QRFPR: variants seen among roughly 807,000 people sequenced by gnomAD.
The protein encoded by QRFPR is pyroglutamylated RFamide peptide receptor, also known as pyroglutamylated RF-amide peptide receptor.
QRFPR carries 37 observed loss-of-function variants against 31.3 expected under a neutral mutation model. That is an observed-to-expected ratio of 1.18 (90% CI 0.91 to 1.56). QRFPR has a LOEUF of 1.56. Among genes scored for constraint, QRFPR ranks in the 40% most tolerant of loss-of-function variants. The pLI, the probability that QRFPR is intolerant of heterozygous loss-of-function variation, is 0.00. For missense variants in QRFPR, 542 were observed against 532.5 expected (o/e 1.02, Z -0.18); for synonymous variants, 197 against 192.0 (o/e 1.03, Z -0.22).
intron 1 of QRFPR, among the ~76,000 whole-genome samples, chr4:121,352,830 TG>T (rs1274809562): frequency 6.6e-6 from 1 of 152,064 alleles, no homozygotes; most frequent in Non-Finnish European, 1.5e-5. Context: ...TCATTCTATT[TG>T]TGTTTTTGTA....
chr4:121,334,382 C>T (rs932937182), intron 3 of QRFPR: 1 of 158,142 alleles, frequency 6.3e-6, no homozygotes, highest in African/African-American at 2.4e-5. Flanking sequence ...CTAATATCGT[C>T]CCCAAGTTTG....
At chr4:121,340,178 A>G in intron 2 of QRFPR, 1 of 326,138 alleles carries the variant, frequency 3.1e-6, no homozygotes, top group South Asian at 4.2e-5. Context: ...TGCCACTGGT[A>G]GGTTATCTTA....
chr4:121,331,175 G>GTTT (rs397995185), intron 4 of QRFPR, among the ~76,000 whole-genome samples: 37 of 69,054 alleles, frequency 5.4e-4, no homozygotes, highest in African/African-American at 1.9e-3. Context: ...TATATCTTGG[G>GTTT]TTTTTTTTTT....
intron 1 of QRFPR, among the ~76,000 whole-genome samples, chr4:121,369,156 G>C (rs1272561955): frequency 6.6e-6 from 1 of 152,150 alleles, no homozygotes; most frequent in African/African-American, 2.4e-5. Context: ...AGCCTCCCAA[G>C]TAGCTGGGAC....
At chr4:121,333,173 C>T (rs139519471) in intron 3 of QRFPR, 117 bp from the exon 4 acceptor site, 10 of 649,050 alleles carry the variant, frequency 1.5e-5, no homozygotes, top group East Asian at 5.4e-5. Context: ...GTCCCCAGCA[C>T]GTATTTCAAA....
At chr4:121,349,714 G>A (rs1725727524) in intron 1 of QRFPR, among the ~76,000 whole-genome samples, 1 of 152,080 alleles carries the variant, frequency 6.6e-6, no homozygotes, top group Non-Finnish European at 1.5e-5. Context: ...ATTTCATTAA[G>A]TATAACTAAA....
intron 1 of QRFPR, among the ~76,000 whole-genome samples, chr4:121,368,755 T>A (rs1276067984): frequency 6.6e-6 from 1 of 151,888 alleles, no homozygotes; most frequent in Non-Finnish European, 1.5e-5. Context: ...TTGTCAATGC[T>A]CACATGGATA....
chr4:121,380,643 TG>T lies in QRFPR; in HGVS notation c.4del (p.Gln2ArgfsTer19). M[Q>X]ALNITPEQFS... The stretch of plus-strand genomic sequence containing the variant: ...CTGCTCCGGGGTAATGTTAAGCGCC[TG>T]CATTGCTGTGCGCTCCCGGGACGCG... On this transcript the variant is annotated frameshift_variant, in exon 1 of 6. Transcript: ENST00000394427. LOFTEE classifies it high-confidence loss of function. 3.3e-6 allele frequency: 5 copies of T among 1,532,446 alleles called. No individual in the cohort carries two copies. Among genetic ancestry groups the T allele is most frequent in the Non-Finnish European group, 4.4e-6 (5 of 1,135,470 alleles). The allele number at this position is 1,532,446 out of a possible 1,614,324, so 94.9% of individuals were successfully genotyped here. A position where few individuals can be genotyped will look rare whatever the true frequency, so the allele number is the denominator to read the frequency against.
intron 1 of QRFPR, among the ~76,000 whole-genome samples, chr4:121,342,158 G>A (rs974583472): frequency 2.0e-5 from 3 of 152,222 alleles, no homozygotes; most frequent in Admixed American, 1.3e-4. Context: ...CAGGAAGGGT[G>A]AATTTGCTCT....
In QRFPR at chr4:121,381,002, C is replaced by A. The variant is rs543894460; in HGVS notation, c.-355G>T. 9.5e-6 allele frequency: 2 copies of A among 210,218 alleles called. No homozygotes were observed. The highest frequency in any genetic ancestry group is 2.1e-4 in the East Asian group (2 of 9,554). The allele number at this position is 210,218 out of a possible 1,614,324, so 13.0% of individuals were successfully genotyped here. ...CGCGAGGGTCCTGGCGCCTCTGGCT[C>A]CCCGCCTTCTGGCCATGCGATGCGG... is the stretch of plus-strand genomic sequence containing the variant. On this transcript the variant is annotated 5_prime_UTR_variant, in exon 1 of 6. Coordinates refer to ENST00000394427, the MANE Select transcript of QRFPR (RefSeq NM_198179.3).
chr4:121,339,488 T>G (rs116764655), intron 2 of QRFPR, among the ~76,000 whole-genome samples: 2,868 of 152,278 alleles, frequency 0.019, 41 homozygotes, highest in South Asian at 0.042. Flanking sequence ...AGGAAAAGTA[T>G]GAAGTGGGTG....
At chr4:121,373,313 C>T (rs1258387192) in intron 1 of QRFPR, among the ~76,000 whole-genome samples, 1 of 152,070 alleles carries the variant, frequency 6.6e-6, no homozygotes, top group Non-Finnish European at 1.5e-5. Flanking sequence ...CTGTTACTGC[C>T]ACTCTCTCAC....
rs1726469781 is a variant in QRFPR, at chr4:121,380,496, G to A, written c.152C>T (p.Thr51Ile). Residue 51 changes from threonine to isoleucine, a missense_variant, in exon 1 of 6, where the codon ACC (threonine) becomes ATC (isoleucine). Transcript: ENST00000394427. ...PGRAKLALVLTGVLIFALALF... is the reference protein window; with the variant it reads ...PGRAKLALVLIGVLIFALALF... ...CGCCAGGGCGAAGATGAGCACGCCG[G>A]TGAGCACGAGGGCCAGCTTGGCGCG... 7 of 1,614,050 alleles carry A rather than the reference G, an allele frequency of 4.3e-6. No individual in the cohort carries two copies. Among genetic ancestry groups the A allele is most frequent in the Non-Finnish European group, 5.9e-6 (7 of 1,179,994 alleles).
intron 1 of QRFPR, among the ~76,000 whole-genome samples, chr4:121,367,699 T>G (rs1020648200): frequency 4.0e-5 from 6 of 150,372 alleles, no homozygotes; most frequent in Non-Finnish European, 8.9e-5. Flanking sequence ...ACAACAATTA[T>G]AGTTTCCTTT....
chr4:121,362,133 T>C (rs1385525893), intron 1 of QRFPR, among the ~76,000 whole-genome samples: 4 of 150,210 alleles, frequency 2.7e-5, no homozygotes, highest in African/African-American at 9.9e-5. Context: ...TAATTCTGGC[T>C]CATCAGCCTC....
At position 121,374,979 on chromosome 4, in the gene QRFPR, C is replaced by T. The variant is rs113405721; in HGVS notation, c.340+5329G>A. Among the ~76,000 whole-genome samples the T allele has an allele frequency of 4.2e-3, 638 of 152,226 alleles. 2 individuals are homozygous for T. Among genetic ancestry groups the T allele is most frequent in the African/African-American group, 0.014 (580 of 41,528 alleles). ...TGTGTGCACCTGAGGAGACCATCCT[C>T]CCTCTGGCTGTGCCGGAATCCACAG... is the stretch of plus-strand genomic sequence containing the variant. On this transcript the variant is annotated intron_variant, in intron 1 of 5. Transcript: ENST00000394427.
At chr4:121,370,255 G>T in intron 1 of QRFPR, 2 of 782,110 alleles carry the variant, frequency 2.6e-6, no homozygotes, top group Non-Finnish European at 2.4e-6. Context: ...TCATAGCTGA[G>T]TGCCCGGCGG....
intron 1 of QRFPR, among the ~76,000 whole-genome samples, chr4:121,347,635 GC>G (rs1049786738): frequency 2.0e-5 from 3 of 151,918 alleles, no homozygotes; most frequent in Non-Finnish European, 2.9e-5. Context: ...AGTTTATCTT[GC>G]CCCCCACTTG....
At chr4:121,365,579 TA>T (rs1726101167) in intron 1 of QRFPR, among the ~76,000 whole-genome samples, 1 of 1,090 alleles carries the variant, frequency 9.2e-4, no homozygotes, top group South Asian at 0.036. Flanking sequence ...ATATAATATA[TA>T]TTATATATAT....
Sources: gnomAD v4.1 joint callset for allele counts (sites outside exome capture counted in the v4.1 genomes callset) on GRCh38, gnomAD v4.1.1 for gene constraint, MANE v1.5 for transcripts, NCBI Gene and HGNC (gene_info 2026-07-23, HGNC 2026-07-21) for gene names.